Variants in MYOT observed in about 807,000 individuals in gnomAD.
The protein encoded by MYOT is myotilin, also known as 57 kDa cytoskeletal protein.
MYOT carries 36 observed loss-of-function variants against 58.0 expected under a neutral mutation model. The observed-to-expected ratio is 0.62, with a 90% CI of 0.48 to 0.82. The LOEUF (loss-of-function observed/expected upper bound fraction) is 0.82, where lower values mean the gene tolerates loss of function less well. MYOT is among the 40% of genes least tolerant of loss of function. The probability of loss-of-function intolerance (pLI) is 0.00; values close to 1 mark genes in which losing one functional copy is unlikely to be tolerated. For missense variants in MYOT, 505 were observed against 592.1 expected (o/e 0.85, Z 1.53); for synonymous variants, 218 against 204.6 (o/e 1.07, Z -0.56).
chr5:137,879,020 C>T (rs537423681), intron 4 of MYOT, among the ~76,000 whole-genome samples: 10 of 152,094 alleles, frequency 6.6e-5, no homozygotes, highest in Middle Eastern at 6.8e-3. Flanking sequence ...TTTCCAACAT[C>T]TACTTCCCAA....
At chr5:137,868,147 T>C (rs1400470015) in intron 1 of MYOT, among the ~76,000 whole-genome samples, 194 bp downstream of exon 1, 1 of 152,192 alleles carries the variant, frequency 6.6e-6, no homozygotes, top group African/African-American at 2.4e-5. Flanking sequence ...ATACAAATGA[T>C]AGAAGGAAAG....
At chr5:137,887,052 T>C (rs1419433813) in intron 9 of MYOT, 55 bp downstream of exon 9, 1 of 1,579,044 alleles carries the variant, frequency 6.3e-7, no homozygotes, top group Non-Finnish European at 8.7e-7. Flanking sequence ...GAAGATTTAA[T>C]AAGAAATGAA....
At chr5:137,880,917 T>C in intron 5 of MYOT, 52 bp downstream of exon 5, 2 of 1,271,086 alleles carry the variant, frequency 1.6e-6, no homozygotes, top group Non-Finnish European at 2.3e-6. Context: ...TAAAATATTT[T>C]CAGCTTAAAA....
chr5:137,878,880 T>C (rs1426198521), intron 4 of MYOT, among the ~76,000 whole-genome samples: 2 of 152,126 alleles, frequency 1.3e-5, no homozygotes, highest in Non-Finnish European at 2.9e-5. Context: ...ATGTTAGCAC[T>C]CTTTCTTCCT....
At chr5:137,871,046 A>G (rs771311334) in intron 2 of MYOT, 39 bp downstream of exon 2, 9 of 1,562,390 alleles carry the variant, frequency 5.8e-6, no homozygotes, top group South Asian at 4.5e-5. Flanking sequence ...CAGTGAACTT[A>G]TATCTGAGGA....
chr5:137,870,511 G>A lies in MYOT; in HGVS notation c.-141G>A. The A allele has an allele frequency of 1.3e-6, 1 of 776,314 alleles. No individual in the cohort carries two copies. The highest frequency in any genetic ancestry group is 1.7e-5 in the African/African-American group (1 of 59,066). 48.1% of individuals were successfully genotyped at this position (776,314 alleles called of 1,614,324 possible). ...ACAGTATTCTCAGGATCTCAACAAG[G>A]AAGAGCAGACCAAGGTTGCTTCTGA... On this transcript the variant is annotated 5_prime_UTR_variant, in exon 2 of 10. Coordinates refer to ENST00000239926, the MANE Select transcript of MYOT (RefSeq NM_006790.3).
chr5:137,872,618 A>G (rs983934541), intron 2 of MYOT, among the ~76,000 whole-genome samples: 5 of 152,182 alleles, frequency 3.3e-5, no homozygotes, highest in African/African-American at 4.8e-5. Flanking sequence ...AGCTGTGCAG[A>G]GTGGAAAGCC....
Position 137,868,162 on chromosome 5 carries a change from C to A in MYOT, c.-212+209C>A, listed in dbSNP as rs71578934. Among the ~76,000 whole-genome samples, 121 of 152,250 alleles carry A rather than the reference C, an allele frequency of 7.9e-4. 1 individual carries two copies. Among genetic ancestry groups the A allele is most frequent in the Admixed American group, 2.2e-3 (33 of 15,282 alleles). On this transcript the variant is annotated intron_variant, in intron 1 of 9. Transcript: ENST00000239926. ...ATACAAATGATAGAAGGAAAGATAG[C>A]TGTGTGTCATTATTTTTAAATCACC...
chr5:137,870,153 GAAAA>G (rs1561657029), intron 1 of MYOT, among the ~76,000 whole-genome samples: 1 of 148,514 alleles, frequency 6.7e-6, no homozygotes, highest in African/African-American at 2.5e-5. Context: ...AAGAAAGAAA[GAAAA>G]AAAGAAAAAT....
chr5:137,886,753 A>T, intron 8 of MYOT, 111 bp from the exon 9 acceptor site: 2 of 845,916 alleles, frequency 2.4e-6, no homozygotes, highest in Non-Finnish European at 1.9e-6. Flanking sequence ...AAATAGATAC[A>T]GCTTTGGAAT....
At chr5:137,883,848 G>A (rs934238699) in intron 7 of MYOT, among the ~76,000 whole-genome samples, 15 of 152,068 alleles carry the variant, frequency 9.9e-5, no homozygotes, top group Non-Finnish European at 1.9e-4. Context: ...TTTCTGGAAA[G>A]AAAATAAATC....
chr5:137,885,226 G>T (rs925201525), intron 7 of MYOT, among the ~76,000 whole-genome samples: 10 of 152,130 alleles, frequency 6.6e-5, no homozygotes, highest in Non-Finnish European at 8.8e-5. Flanking sequence ...CATTCCTTCA[G>T]AGTTTACAAA....
intron 7 of MYOT, 111 bp downstream of exon 7, chr5:137,883,702 A>G: frequency 2.1e-6 from 2 of 950,342 alleles, no homozygotes; most frequent in East Asian, 2.6e-5. Flanking sequence ...GTTAATGTCT[A>G]TACAACCTAT....
rs1187876758 is a variant in MYOT at position 137,870,440 on chromosome 5, G to C, written c.-211-1G>C. The stretch of plus-strand genomic sequence containing the variant: ...GTAACAATTATTTTCTCCTTTTGAA[G>C]GAACAATATTCTTCAAGAGAAGGTC... On this transcript the variant is annotated splice_acceptor_variant, in intron 1 of 9. Transcript: ENST00000239926. LOFTEE classifies it low-confidence loss of function (5UTR_SPLICE). The C allele has an allele frequency of 1.6e-6, 1 of 608,846 alleles. No individual in the cohort carries two copies. Among genetic ancestry groups the C allele is most frequent in the Non-Finnish European group, 2.9e-6 (1 of 342,590 alleles). 37.7% of individuals were successfully genotyped at this position (608,846 alleles called of 1,614,324 possible).
At chr5:137,882,817 T>C (rs1561663810) in intron 6 of MYOT, 1 of 156,566 alleles carries the variant, frequency 6.4e-6, no homozygotes, top group African/African-American at 2.4e-5. Flanking sequence ...TATATTTTTA[T>C]TATCCTTATT....
intron 3 of MYOT, among the ~76,000 whole-genome samples, 146 bp from the exon 4 acceptor site, chr5:137,877,367 CAAAAAAA>C (rs1172576383): frequency 5.9e-4 from 25 of 42,116 alleles, no homozygotes; most frequent in East Asian, 1.8e-3. Flanking sequence ...GACTCCGTCT[CAAAAAAA>C]AAAAAAAAAA....
intron 9 of MYOT, 73 bp downstream of exon 9, chr5:137,887,070 G>A: frequency 6.4e-7 from 1 of 1,562,736 alleles, no homozygotes; most frequent in Middle Eastern, 1.7e-4. Flanking sequence ...GAAAATCCCA[G>A]CAGAGTATAA....
At chr5:137,887,186 A>G (rs778967173) in intron 9 of MYOT, 27 bp from the exon 10 acceptor site, 2 of 1,613,966 alleles carry the variant, frequency 1.2e-6, no homozygotes, top group Non-Finnish European at 1.7e-6. Context: ...AGGTTTTCTG[A>G]ATCAACTTTT....
intron 4 of MYOT, 137 bp downstream of exon 4, chr5:137,877,758 GATAA>G (rs1755279825): frequency 1.4e-6 from 1 of 689,870 alleles, no homozygotes; most frequent in African/African-American, 1.8e-5. Flanking sequence ...AAGAGGCCAT[GATAA>G]ACATATATAC....
Sources: allele counts gnomAD v4.1 joint callset (sites outside exome capture counted in the v4.1 genomes callset), GRCh38; gene constraint gnomAD v4.1.1; transcripts MANE v1.5; gene names NCBI Gene and HGNC (gene_info 2026-07-23, HGNC 2026-07-21).